CYB561D1: variants seen among roughly 807,000 people sequenced by gnomAD.
CYB561D1 encodes the protein cytochrome b561 family member D1.
A neutral mutation model predicts 19.2 loss-of-function variants in CYB561D1; 15 were observed. The observed-to-expected ratio is 0.78, with a 90% confidence interval of 0.52 to 1.20. The LOEUF is 1.20. CYB561D1 is among the 50% of genes most tolerant of loss of function. The pLI is 0.00. For missense variants in CYB561D1, 297 were observed against 287.3 expected (o/e 1.03, Z -0.24); for synonymous variants, 133 against 120.6 (o/e 1.10, Z -0.68).
rs1254911540 is a variant in CYB561D1, at chr1:109,498,242, G to C, written c.*1983G>C. 6.6e-6 allele frequency: 1 copy of C among 152,304 alleles called. No individual in the cohort carries two copies. The highest frequency in any genetic ancestry group is 1.5e-5 in the Non-Finnish European group (1 of 68,102). The allele number at this position is 152,304 out of a possible 1,614,324, so 9.4% of individuals were successfully genotyped here. On this transcript the variant is annotated 3_prime_UTR_variant, in exon 3 of 3. Transcript: ENST00000420578. The stretch of plus-strand genomic sequence containing the variant: ...GCTGCCTCCTCCCAGGTGGTGCGGG[G>C]GCTGGTGGGCGGGCGGGCAGGCGTG...
rs527752898 is a variant in CYB561D1, at chr1:109,498,498, C to G, written c.*2239C>G. The G allele has an allele frequency of 2.6e-5, 4 of 152,220 alleles. No individual in the cohort carries two copies. Among genetic ancestry groups the G allele is most frequent in the African/African-American group, 9.7e-5 (4 of 41,444 alleles). 9.4% of individuals were successfully genotyped at this position (152,220 alleles called of 1,614,324 possible). ...TAGGTCACCAGGAGGAGCCCTTCAT[C>G]CTGGCAGGCCGGATTGTGGAGGGAC... On this transcript the variant is annotated 3_prime_UTR_variant, in exon 3 of 3. Coordinates refer to ENST00000420578, the MANE Select transcript of CYB561D1 (RefSeq NM_182580.3).
rs189379713 is a variant in CYB561D1 at position 109,495,029 on chromosome 1, G to A, written c.149-114G>A. 119 of 1,286,876 alleles carry A rather than the reference G, an allele frequency of 9.2e-5. No individual in the cohort carries two copies. The African/African-American group carries it at 1.3e-3, about 14-fold the overall frequency. The allele number at this position is 1,286,876 out of a possible 1,614,324, so 79.7% of individuals were successfully genotyped here. The stretch of plus-strand genomic sequence containing the variant: ...CACTTTGTCCTTAGTTCCTGTGCCC[G>A]ATTAGGATTGGGGATGGTACTTTTC... On this transcript the variant is annotated intron_variant, in intron 1 of 2. Coordinates refer to ENST00000420578, the MANE Select transcript of CYB561D1 (RefSeq NM_182580.3).
rs764935611 is a variant in CYB561D1 at position 109,497,642 on chromosome 1, C to A, written c.*1383C>A. The A allele has an allele frequency of 2.6e-5, 4 of 152,326 alleles. No individual in the cohort carries two copies. Among genetic ancestry groups the A allele is most frequent in the Non-Finnish European group, 5.9e-5 (4 of 68,134 alleles). The allele number at this position is 152,326 out of a possible 1,614,324, so 9.4% of individuals were successfully genotyped here. On this transcript the variant is annotated 3_prime_UTR_variant, in exon 3 of 3. Transcript: ENST00000420578. The stretch of plus-strand genomic sequence containing the variant: ...CAACAGCTGAGCCAGGAAAGTGCTG[C>A]TGAGGCAAGTCGACATAGCTCACAG...
Position 109,494,199 on chromosome 1 carries a change from C to T in CYB561D1, c.60C>T (p.Arg20=). Residue 20 remains arginine, a synonymous_variant, in exon 1 of 3, where the codon CGC becomes CGT. Coordinates refer to ENST00000420578, the MANE Select transcript of CYB561D1 (RefSeq NM_182580.3). ...PAPAGEPRLT[R]WLRRGSGILA... is the part of the protein sequence containing the mutation. Reference sequence around the variant, plus strand: ...CAGCTGGGGAGCCGAGACTGACCCGCTGGCTGCGGAGAGGCAGTGGGATCT... The same window carrying T: ...CAGCTGGGGAGCCGAGACTGACCCGTTGGCTGCGGAGAGGCAGTGGGATCT... The T allele has an allele frequency of 6.4e-7, 1 of 1,559,770 alleles. No homozygotes were observed. The highest frequency in any genetic ancestry group is 8.7e-7 in the Non-Finnish European group (1 of 1,151,578).
intron 2 of CYB561D1, 177 bp from the exon 3 acceptor site, chr1:109,495,579 C>A: frequency 8.0e-7 from 1 of 1,251,038 alleles, no homozygotes; most frequent in Non-Finnish European, 1.1e-6. Flanking sequence ...GAGACGTGCA[C>A]TCAAGTGCTG....
rs778086306 is a variant in CYB561D1 at position 109,494,269 on chromosome 1, C to G, written c.130C>G (p.Leu44Val). The stretch of plus-strand genomic sequence containing the variant: ...GGGCTTCACCATCTTTCTGACAGCG[C>G]TGTCCCGGCCAGGAACCAGTGAGTG... The part of the protein sequence containing the change: ...ALGFTIFLTA[L>V]SRPGTSLFSW... The change falls in exon 1 of 3, where the codon CTG (leucine) becomes GTG (valine). Residue 44 changes from leucine to valine, a missense_variant. Transcript: ENST00000420578. 43 of 1,588,558 alleles carry G rather than the reference C, an allele frequency of 2.7e-5. No individual in the cohort carries two copies. Among genetic ancestry groups the G allele is most frequent in the Non-Finnish European group, 1.7e-6 (2 of 1,167,272 alleles).
chr1:109,494,572 C>G lies in CYB561D1; in HGVS notation c.148+285C>G, dbSNP rs989817871. On this transcript the variant is annotated intron_variant, in intron 1 of 2. Transcript: ENST00000420578. The stretch of plus-strand genomic sequence containing the variant: ...GTGAAGGAGGCCGGGCGCGGTGGGT[C>G]ATGCCTGAAATCCCAGCACTTTGGG... 4 of 1,422,892 alleles carry G rather than the reference C, an allele frequency of 2.8e-6. 1 individual carries two copies. In the African/African-American group the frequency reaches 5.7e-5, roughly 20 times the overall value. The allele number at this position is 1,422,892 out of a possible 1,614,324, so 88.1% of individuals were successfully genotyped here. A position where few individuals can be genotyped will look rare whatever the true frequency, so the allele number is the denominator to read the frequency against.
rs1206442906 is a variant in CYB561D1, at chr1:109,498,436, TCTC to T, written c.*2180_*2182del. 6 of 152,350 alleles carry T rather than the reference TCTC, an allele frequency of 3.9e-5. No individual in the cohort carries two copies. Among genetic ancestry groups the T allele is most frequent in the Non-Finnish European group, 8.8e-5 (6 of 68,164 alleles). 9.4% of individuals were successfully genotyped at this position (152,350 alleles called of 1,614,324 possible). A position where few individuals can be genotyped will look rare whatever the true frequency, so the allele number is the denominator to read the frequency against. ...AGAGCAGAGAGGAGGGCACTGGTGGTCTCCTGCTTAGCCTGGTCTGACTGCAGT... is the reference window on the plus strand; with the variant it reads ...AGAGCAGAGAGGAGGGCACTGGTGGTCTGCTTAGCCTGGTCTGACTGCAGT... On this transcript the variant is annotated 3_prime_UTR_variant, in exon 3 of 3. Coordinates refer to ENST00000420578, the MANE Select transcript of CYB561D1 (RefSeq NM_182580.3).
rs1409060921 is a variant in CYB561D1, at chr1:109,498,881, G to A, written c.*2622G>A. On this transcript the variant is annotated 3_prime_UTR_variant, in exon 3 of 3. Coordinates refer to ENST00000420578, the MANE Select transcript of CYB561D1 (RefSeq NM_182580.3). ...AAAAAAAAAAAAAAAGCCAGGGCAG[G>A]GTGCTTAGATTTTAAAAATTTGCGT... 1 of 150,342 alleles carries A rather than the reference G, an allele frequency of 6.7e-6. No individual in the cohort carries two copies. Among genetic ancestry groups the A allele is most frequent in the African/African-American group, 2.5e-5 (1 of 40,790 alleles). 9.3% of individuals were successfully genotyped at this position (150,342 alleles called of 1,614,324 possible).
Position 109,496,281 on chromosome 1 carries a change from A to T in CYB561D1, c.*22A>T. 4 of 1,544,946 alleles carry T rather than the reference A, an allele frequency of 2.6e-6. No homozygotes were observed. Among genetic ancestry groups the T allele is most frequent in the Non-Finnish European group, 3.5e-6 (4 of 1,140,636 alleles). ...GTGAGTTCCTGCGAACGCTGAATCT[A>T]GGTGGGACGCTTGCCTTGAACATCA... On this transcript the variant is annotated 3_prime_UTR_variant, in exon 3 of 3. Transcript: ENST00000420578.
Position 109,496,377 on chromosome 1 carries a change from A to G in CYB561D1, c.*118A>G. 2.5e-6 allele frequency: 3 copies of G among 1,203,882 alleles called. No individual in the cohort carries two copies. Among genetic ancestry groups the G allele is most frequent in the Non-Finnish European group, 3.4e-6 (3 of 875,260 alleles). The allele number at this position is 1,203,882 out of a possible 1,614,324, so 74.6% of individuals were successfully genotyped here. ...GGTTTTCGCACTTCTTGGCTGGTCC[A>G]GGGACTGCAGAAACCAAAGCTGCTA... On this transcript the variant is annotated 3_prime_UTR_variant, in exon 3 of 3. Coordinates refer to ENST00000420578, the MANE Select transcript of CYB561D1 (RefSeq NM_182580.3).
chr1:109,494,126 C>T lies in CYB561D1; in HGVS notation c.-14C>T. ...TTCGGGCAGCTGGAGTGTACGGGCCCGCGGGCCACGGCCATGCAGCCCCTG... is the reference window on the plus strand; with the variant it reads ...TTCGGGCAGCTGGAGTGTACGGGCCTGCGGGCCACGGCCATGCAGCCCCTG... On this transcript the variant is annotated 5_prime_UTR_variant, in exon 1 of 3. Transcript: ENST00000420578. 1 of 1,493,862 alleles carries T rather than the reference C, an allele frequency of 6.7e-7. No individual in the cohort carries two copies. The highest frequency in any genetic ancestry group is 1.8e-4 in the Middle Eastern group (1 of 5,486). The allele number at this position is 1,493,862 out of a possible 1,614,324, so 92.5% of individuals were successfully genotyped here. A position where few individuals can be genotyped will look rare whatever the true frequency, so the allele number is the denominator to read the frequency against.
At chr1:109,494,506 AACT>A (rs1657380106) in intron 1 of CYB561D1, 6 of 1,535,894 alleles carry the variant, frequency 3.9e-6, no homozygotes, top group Non-Finnish European at 5.3e-6. Flanking sequence ...GAACAGACCG[AACT>A]ACTTCCTCAG....
At chr1:109,494,551 A>G in intron 1 of CYB561D1, 2 of 1,470,138 alleles carry the variant, frequency 1.4e-6, no homozygotes, top group Non-Finnish European at 1.8e-6. Flanking sequence ...ATAGAAGTGA[A>G]GGAGGCCGGG....
Position 109,495,924 on chromosome 1 carries a change from G to A in CYB561D1, c.355G>A (p.Glu119Lys), listed in dbSNP as rs1259099287. The change falls in exon 3 of 3, where the codon GAG (glutamate) becomes AAG (lysine). Residue 119 changes from glutamate to lysine, a missense_variant. Physicochemically the swap from Glu to Lys is moderately conservative, Grantham distance 56 (BLOSUM62 1). Coordinates refer to ENST00000420578, the MANE Select transcript of CYB561D1 (RefSeq NM_182580.3). ...GFIISSRTRS[E>K]LPHLVSWHSW... ...CATCATCTCCAGCAGGACCCGCAGT[G>A]AGCTGCCTCATCTGGTGTCCTGGCA... The A allele has an allele frequency of 6.2e-7, 1 of 1,614,062 alleles. No homozygotes were observed. The highest frequency in any genetic ancestry group is 8.5e-7 in the Non-Finnish European group (1 of 1,180,012).
rs141356973 is a variant in CYB561D1 at position 109,495,834 on chromosome 1, C to T, written c.265C>T (p.Arg89Trp). The stretch of plus-strand genomic sequence containing the variant: ...GTTCTTCTTCTGCTCCCGAAAAGCA[C>T]GGATCCGGCTCCACTGGGCAGGGCA... The part of the protein sequence containing the change: ...SLFFFCSRKA[R>W]IRLHWAGQTL... The change falls in exon 3 of 3, where the codon CGG becomes TGG. Residue 89 changes from arginine (R) to tryptophan (W), a missense_variant. Coordinates refer to ENST00000420578, the MANE Select transcript of CYB561D1 (RefSeq NM_182580.3). 51 of 1,613,818 alleles carry T rather than the reference C, an allele frequency of 3.2e-5. No individual in the cohort carries two copies. Among genetic ancestry groups the T allele is most frequent in the African/African-American group, 6.7e-5 (5 of 74,928 alleles).
In CYB561D1 at chr1:109,495,056, C is replaced by T. The variant is rs112499328; in HGVS notation, c.149-87C>T. ...TTAGGATTGGGGATGGTACTTTTCT[C>T]CTGTGGCTAGATTCTTTGGGTTCCA... On this transcript the variant is annotated intron_variant, in intron 1 of 2. Transcript: ENST00000420578. 9.8e-5 allele frequency: 146 copies of T among 1,485,678 alleles called. 4 individuals are homozygous for T. In the South Asian group the frequency reaches 1.3e-3, roughly 13 times the overall value. 92.0% of individuals were successfully genotyped at this position (1,485,678 alleles called of 1,614,324 possible).
chr1:109,496,337 T>C lies in CYB561D1; in HGVS notation c.*78T>C. The stretch of plus-strand genomic sequence containing the variant: ...CCTTTGGTGATCTATAAGGGATCTA[T>C]TTAAGAAGTGGTCAGGTTTTCGCAC... On this transcript the variant is annotated 3_prime_UTR_variant, in exon 3 of 3. Coordinates refer to ENST00000420578, the MANE Select transcript of CYB561D1 (RefSeq NM_182580.3). 8 of 1,483,218 alleles carry C rather than the reference T, an allele frequency of 5.4e-6. No individual in the cohort carries two copies. Among genetic ancestry groups the C allele is most frequent in the Non-Finnish European group, 9.0e-7 (1 of 1,107,582 alleles). 91.9% of individuals were successfully genotyped at this position (1,483,218 alleles called of 1,614,324 possible). A position where few individuals can be genotyped will look rare whatever the true frequency, so the allele number is the denominator to read the frequency against.
rs1234971236 is a variant in CYB561D1 at position 109,496,051 on chromosome 1, G to A, written c.482G>A (p.Arg161His). Residue 161 changes from arginine to histidine, a missense_variant, in exon 3 of 3, where the codon CGC (arginine) becomes CAC (histidine). Coordinates refer to ENST00000420578, the MANE Select transcript of CYB561D1 (RefSeq NM_182580.3). ...PRAARVSRVARLKLYHLTCGL... is the reference protein window; with the variant it reads ...PRAARVSRVAHLKLYHLTCGL... ...GCAGCCAGGGTCTCAAGGGTGGCTC[G>A]CCTCAAGCTCTACCATCTGACATGT... 3.1e-6 allele frequency: 5 copies of A among 1,613,144 alleles called. No homozygotes were observed. Among genetic ancestry groups the A allele is most frequent in the East Asian group, 4.5e-5 (2 of 44,846 alleles).
Sources: allele counts gnomAD v4.1 joint callset, GRCh38; gene constraint gnomAD v4.1.1; transcripts MANE v1.5; gene names NCBI Gene and HGNC (gene_info 2026-07-23, HGNC 2026-07-21).